NAGPA: variants seen among roughly 807,000 people sequenced by gnomAD.
NAGPA encodes N-acetylglucosamine-1-phosphodiester alpha-N-acetylglucosaminidase, also known as alpha-N-acetylglucosaminyl phosphodiesterase.
Under a neutral mutation model 48.5 loss-of-function variants are expected in NAGPA, and 56 were observed. That is an observed-to-expected ratio of 1.15 (90% CI 0.93 to 1.44). The LOEUF (loss-of-function observed/expected upper bound fraction) is 1.44. NAGPA is among the 40% of genes most tolerant of loss of function. NAGPA has a pLI of 0.00. For synonymous variants in NAGPA, 399 were observed against 315.5 expected, an observed-to-expected ratio of 1.26 and a Z score of -2.81; for missense variants, 888 against 735.0, an observed-to-expected ratio of 1.21 and a Z score of -2.41.
At chr16:5,027,726 G>T in intron 7 of NAGPA, 120 bp downstream of exon 7, 1 of 1,416,054 alleles carries the variant, frequency 7.1e-7, no homozygotes, top group Non-Finnish European at 9.7e-7. Context: ...TGAGGCCGGG[G>T]CAGAAGACAA....
Position 5,033,575 on chromosome 16 carries a change from G to A in NAGPA, c.240C>T (p.Thr80=). Residue 80 remains threonine, a synonymous_variant, in exon 2 of 10, where the codon ACC becomes ACT. Coordinates refer to ENST00000312251, the MANE Select transcript of NAGPA (RefSeq NM_016256.4). This position sits in a 1 kb window ranked among gnomAD's most constrained non-coding sequence, Gnocchi z 4.2. ...TPGAGGLAVR[T]FVSHFRDRAV... ...CGCGGTCCCTGAAGTGCGACACGAA[G>A]GTGCGCACGGCCAGACCGCCGGCGC... 1 of 1,497,160 alleles carries A rather than the reference G, an allele frequency of 6.7e-7. No homozygotes were observed. The highest frequency in any genetic ancestry group is 1.4e-5 in the African/African-American group (1 of 69,462). 92.7% of individuals were successfully genotyped at this position (1,497,160 alleles called of 1,614,324 possible). A position where few individuals can be genotyped will look rare whatever the true frequency, so the allele number is the denominator to read the frequency against.
rs747010884 is a variant in NAGPA at position 5,033,618 on chromosome 16, G to C, written c.197C>G (p.Pro66Arg). ...GCCGGCGCCGGGAGTCGCGGGAGGC[G>C]GAGGCCAACTCTCGTGCTCGCGGTT... ...AGNREHESWPPPPATPGAGGL... is the reference protein window; with the variant it reads ...AGNREHESWPRPPATPGAGGL... The change falls in exon 2 of 10, where the codon CCG (proline) becomes CGG (arginine). Residue 66 changes from proline (P) to arginine (R), a missense_variant. Pro to Arg is a moderately radical substitution (Grantham distance 103). Coordinates refer to ENST00000312251, the MANE Select transcript of NAGPA (RefSeq NM_016256.4). The surrounding 1 kb of genome is among the most constrained non-coding windows in gnomAD (Gnocchi z 4.2). 4.2e-5 allele frequency: 64 copies of C among 1,514,480 alleles called. No individual in the cohort carries two copies. The highest frequency in any genetic ancestry group is 5.2e-5 in the Non-Finnish European group (60 of 1,144,192). The allele number at this position is 1,514,480 out of a possible 1,614,324, so 93.8% of individuals were successfully genotyped here.
chr16:5,033,503 G>C lies in NAGPA; in HGVS notation c.312C>G (p.Phe104Leu). The C allele has an allele frequency of 6.4e-7, 1 of 1,554,358 alleles. No homozygotes were observed. The highest frequency in any genetic ancestry group is 8.6e-7 in the Non-Finnish European group (1 of 1,158,068). ...CGGGTCCACCGGGCTCCAGCACCGA[G>C]AAGGTGCGCAGGGGCTCAACGGCCC... ...LTRAVEPLRT[F>L]SVLEPGGPGG... The change falls in exon 2 of 10, where the codon TTC becomes TTG. Residue 104 changes from phenylalanine (F) to leucine (L), a missense_variant. By Grantham distance (22) the Phe-to-Leu change is conservative (BLOSUM62 0). Coordinates refer to ENST00000312251, the MANE Select transcript of NAGPA (RefSeq NM_016256.4). This position sits in a 1 kb window ranked among gnomAD's most constrained non-coding sequence, Gnocchi z 4.2.
chr16:5,033,838 A>G lies in NAGPA; in HGVS notation c.77T>C (p.Leu26Pro). Residue 26 changes from leucine to proline, a missense_variant, in exon 1 of 10, where the codon CTC becomes CCC. Coordinates refer to ENST00000312251, the MANE Select transcript of NAGPA (RefSeq NM_016256.4). The surrounding 1 kb of genome is among the most constrained non-coding windows in gnomAD (Gnocchi z 4.2). The part of the protein sequence containing the change: ...FGFLWEASGG[L>P]DSGASRDDDL... ...AGGGAGCTGCACTCACCCCGAGTCG[A>G]GGCCGCCGGACGCTTCCCAGAGGAA... 6.4e-7 allele frequency: 1 copy of G among 1,550,648 alleles called. No homozygotes were observed. The highest frequency in any genetic ancestry group is 8.7e-7 in the Non-Finnish European group (1 of 1,147,694).
chr16:5,031,943 GCT>G lies in NAGPA; in HGVS notation c.543-61_543-60del, dbSNP rs559378134. ...AGCAGGGGCAACTGCAGATAGTCAG[GCT>G]CTTTCTCCCTAGCCATCCCAACCTG... On this transcript the variant is annotated intron_variant, in intron 2 of 9. Coordinates refer to ENST00000312251, the MANE Select transcript of NAGPA (RefSeq NM_016256.4). 2.0e-5 allele frequency: 32 copies of G among 1,610,956 alleles called. No individual in the cohort carries two copies. In the Admixed American group the frequency reaches 3.9e-4, roughly 19 times the overall value.
chr16:5,027,874 G>T lies in NAGPA; in HGVS notation c.1146C>A (p.Ala382=). 1 of 1,581,810 alleles carries T rather than the reference G, an allele frequency of 6.3e-7. No individual in the cohort carries two copies. Among genetic ancestry groups the T allele is most frequent in the South Asian group, 1.1e-5 (1 of 87,892 alleles). Residue 382 remains alanine (A), a synonymous_variant, in exon 7 of 10, where the codon GCC becomes GCA. Transcript: ENST00000312251. ...CACTGCAGTTGGACCCGGTCCATCC[G>T]GCATCACAGCGGCAGCCGGCTGCCG... ...LCTETGCRCD[A]GWTGSNCSEE... is the part of the protein sequence containing the mutation.
Position 5,030,375 on chromosome 16 carries a change from C to T in NAGPA, c.791+10G>A. 6.4e-7 allele frequency: 1 copy of T among 1,550,672 alleles called. No homozygotes were observed. Among genetic ancestry groups the T allele is most frequent in the South Asian group, 1.2e-5 (1 of 84,012 alleles). ...GCCCCGGCCGGGGGGCCTCAGCTCC[C>T]AGGACTCACCCACGCTGCTCCGTTT... is the stretch of plus-strand genomic sequence containing the variant. On this transcript the variant is annotated intron_variant, in intron 4 of 9. Transcript: ENST00000312251.
rs1380532777 is a variant in NAGPA at position 5,033,774 on chromosome 16, C to T, written c.87-46G>A. On this transcript the variant is annotated intron_variant, in intron 1 of 9. Transcript: ENST00000312251. This position sits in a 1 kb window ranked among gnomAD's most constrained non-coding sequence, Gnocchi z 4.2. ...GAGCTCAGGGGGCTGTCCTCGTGAG[C>T]TCGGAGGACAGGGGGGACCCCCCGA... 41 of 1,582,948 alleles carry T rather than the reference C, an allele frequency of 2.6e-5. No homozygotes were observed. Among genetic ancestry groups the T allele is most frequent in the Non-Finnish European group, 3.4e-5 (40 of 1,165,666 alleles).
rs1455737048 is a variant in NAGPA, at chr16:5,030,515, T to C, written c.683-22A>G. 3 of 1,542,822 alleles carry C rather than the reference T, an allele frequency of 1.9e-6. No individual in the cohort carries two copies. The Admixed American group carries it at 5.9e-5, about 30-fold the overall frequency. ...GAACCTGAAGGAAAAGCAGCCTGGCTGATCACCGCCCCTTGGGAGGCCTCC... is the reference window on the plus strand; with the variant it reads ...GAACCTGAAGGAAAAGCAGCCTGGCCGATCACCGCCCCTTGGGAGGCCTCC... On this transcript the variant is annotated intron_variant, in intron 3 of 9. Transcript: ENST00000312251.
rs1384124258 is a variant in NAGPA, at chr16:5,027,356, G to T, written c.1198C>A (p.Pro400Thr). The stretch of plus-strand genomic sequence containing the variant: ...CACTTACAAGGCCTCTGGCAGCCCG[G>T]CCCATGCCAGCCAAGGGGACACTCT... ...SEECPLGWHG[P>T]GCQRPCKCEH... The change falls in exon 8 of 10, where the codon CCG becomes ACG. Residue 400 changes from proline (P) to threonine (T), a missense_variant. Coordinates refer to ENST00000312251, the MANE Select transcript of NAGPA (RefSeq NM_016256.4). The T allele has an allele frequency of 6.2e-7, 1 of 1,614,020 alleles. No individual in the cohort carries two copies. Among genetic ancestry groups the T allele is most frequent in the South Asian group, 1.1e-5 (1 of 91,082 alleles).
In NAGPA at chr16:5,033,413, G is replaced by C. The variant is rs775869722; in HGVS notation, c.402C>G (p.Val134=). ...EETARAADCR[V]AQNGGFFRMN... is the part of the protein sequence containing the mutation. Reference sequence around the variant, plus strand: ...TGCGGAAGAAGCCGCCGTTCTGGGCGACACGGCAGTCGGCCGCCCGCGCCG... The same window carrying C: ...TGCGGAAGAAGCCGCCGTTCTGGGCCACACGGCAGTCGGCCGCCCGCGCCG... Residue 134 remains valine (V), a synonymous_variant, in exon 2 of 10, where the codon GTC becomes GTG. Transcript: ENST00000312251. The surrounding 1 kb of genome is among the most constrained non-coding windows in gnomAD (Gnocchi z 4.2). The C allele has an allele frequency of 9.4e-6, 15 of 1,596,502 alleles. No individual in the cohort carries two copies. The highest frequency in any genetic ancestry group is 1.3e-5 in the Non-Finnish European group (15 of 1,179,152).
intron 5 of NAGPA, chr16:5,028,445 C>A: frequency 1.4e-6 from 1 of 737,386 alleles, no homozygotes; most frequent in Non-Finnish European, 2.3e-6. Flanking sequence ...ATGTTGCCCA[C>A]ACTGGTCTTA....
rs762958744 is a variant in NAGPA at position 5,033,429 on chromosome 16, G to C, written c.386C>G (p.Ala129Gly). The change falls in exon 2 of 10, where the codon GCG (alanine) becomes GGG (glycine). Residue 129 changes from alanine to glycine, a missense_variant. Coordinates refer to ENST00000312251, the MANE Select transcript of NAGPA (RefSeq NM_016256.4). This position sits in a 1 kb window ranked among gnomAD's most constrained non-coding sequence, Gnocchi z 4.2. ...RRATVEETAR[A>G]ADCRVAQNGG... is the part of the protein sequence containing the mutation. ...GTTCTGGGCGACACGGCAGTCGGCC[G>C]CCCGCGCCGTCTCCTCCACGGTGGC... The C allele has an allele frequency of 1.3e-6, 2 of 1,594,312 alleles. No homozygotes were observed. Among genetic ancestry groups the C allele is most frequent in the Non-Finnish European group, 1.7e-6 (2 of 1,178,268 alleles).
At chr16:5,031,938 G>C in intron 2 of NAGPA, 54 bp from the exon 3 acceptor site, 1 of 1,612,212 alleles carries the variant, frequency 6.2e-7, no homozygotes, top group Non-Finnish European at 8.5e-7. Flanking sequence ...ACTGCAGATA[G>C]TCAGGCTCTT....
chr16:5,028,884 G>C lies in NAGPA; in HGVS notation c.916C>G (p.His306Asp). The C allele has an allele frequency of 6.2e-7, 1 of 1,614,016 alleles. No individual in the cohort carries two copies. Among genetic ancestry groups the C allele is most frequent in the Non-Finnish European group, 8.5e-7 (1 of 1,180,036 alleles). ...NGTLASYPSD[H>D]CQDNMWRCPR... ...AGGCGGCTCTCACGTGCTTACCAGT[G>C]ATCTGACGGGTAACTGGCCAAGGTC... Residue 306 changes from histidine to aspartate, a missense_variant, in exon 5 of 10, where the codon CAC becomes GAC. His to Asp is a moderately conservative substitution (Grantham distance 81, BLOSUM62 -1). Transcript: ENST00000312251.
rs146958181 is a variant in NAGPA, at chr16:5,027,351, G to C, written c.1203C>G (p.Gly401=). 1,831 of 1,614,112 alleles carry C rather than the reference G, an allele frequency of 1.1e-3. 16 individuals carry two copies. Among genetic ancestry groups the C allele is most frequent in the Middle Eastern group, 7.8e-3 (47 of 6,056 alleles). The stretch of plus-strand genomic sequence containing the variant: ...GCTCACACTTACAAGGCCTCTGGCA[G>C]CCCGGCCCATGCCAGCCAAGGGGAC... The part of the protein sequence containing the change: ...EECPLGWHGP[G]CQRPCKCEHH... Residue 401 remains glycine (G), a synonymous_variant, in exon 8 of 10, where the codon GGC becomes GGG. Transcript: ENST00000312251.
chr16:5,028,298 T>A, intron 5 of NAGPA, 113 bp from the exon 6 acceptor site: 1 of 1,522,844 alleles, frequency 6.6e-7, no homozygotes, highest in Non-Finnish European at 8.8e-7. Context: ...CCTACCTACC[T>A]ACAAGATGGC....
chr16:5,025,415 T>C lies in NAGPA; in HGVS notation c.*63A>G. On this transcript the variant is annotated 3_prime_UTR_variant, in exon 10 of 10. Transcript: ENST00000312251. ...ACGCCAGTGGCCTTGAAATTTCCCCTGCAGAAGCCAGACCGTGGGGAAACA... is the reference window on the plus strand; with the variant it reads ...ACGCCAGTGGCCTTGAAATTTCCCCCGCAGAAGCCAGACCGTGGGGAAACA... 6 of 1,590,058 alleles carry C rather than the reference T, an allele frequency of 3.8e-6. 1 individual carries two copies. Among genetic ancestry groups the C allele is most frequent in the South Asian group, 2.2e-5 (2 of 90,276 alleles).
chr16:5,026,202 T>C (rs1246028211), intron 9 of NAGPA, among the ~76,000 whole-genome samples: 1 of 149,094 alleles, frequency 6.7e-6, no homozygotes, highest in African/African-American at 2.5e-5. Context: ...GTGCTAGGAT[T>C]ACAGGCGTGA....
Sources: gnomAD v4.1 joint callset for allele counts (sites outside exome capture counted in the v4.1 genomes callset) on GRCh38, gnomAD v4.1.1 for gene constraint, Gnocchi (gnomAD v3.1) non-coding constraint, MANE v1.5 for transcripts, NCBI Gene and HGNC (gene_info 2026-07-23, HGNC 2026-07-21) for gene names.